The following RMDN1 variants were observed in gnomAD, a reference collection of about 807,000 sequenced individuals.
RMDN1 encodes the protein regulator of microtubule dynamics 1, also known as regulator of microtubule dynamics protein 1.
In RMDN1, 48 loss-of-function variants were observed where a neutral mutation model predicts 48.9. The observed-to-expected ratio is 0.98, with a 90% confidence interval of 0.78 to 1.25. The LOEUF is 1.25. RMDN1 is among the 50% of genes most tolerant of loss of function. The probability of loss-of-function intolerance (pLI) is 0.00; values close to 1 mark genes in which losing one functional copy is unlikely to be tolerated. For synonymous variants in RMDN1, 148 were observed against 132.6 expected, an observed-to-expected ratio of 1.12 and a Z score of -0.80; for missense variants, 418 against 373.4, an observed-to-expected ratio of 1.12 and a Z score of -0.98.
At chr8:86,508,137 G>A (rs1819686460) in intron 1 of RMDN1, 1 of 227,216 alleles carries the variant, frequency 4.4e-6, no homozygotes, top group African/African-American at 2.3e-5. Context: ...AAGTCTGAAA[G>A]GGGCAGCCTC....
chr8:86,512,918 A>G (rs753761335), upstream of RMDN1, among the ~76,000 whole-genome samples: 47 of 152,114 alleles, frequency 3.1e-4, no homozygotes, highest in Non-Finnish European at 6.8e-4. Context: ...TTAAAAATAA[A>G]TAAAATAAAA....
intron 2 of RMDN1, chr8:86,503,656 C>T (rs1010913949): frequency 2.0e-6 from 1 of 497,344 alleles, no homozygotes; most frequent in Non-Finnish European, 4.1e-6. Context: ...TTGGCTACAA[C>T]ACGGGAGTCA....
chr8:86,510,894 G>C (rs891585799), upstream of RMDN1, among the ~76,000 whole-genome samples: 6 of 152,114 alleles, frequency 3.9e-5, no homozygotes, highest in Non-Finnish European at 8.8e-5. Flanking sequence ...AGGCCAAATC[G>C]GGAGAACAGC....
chr8:86,494,356 GA>G (rs1219682706), intron 2 of RMDN1, among the ~76,000 whole-genome samples: 3 of 152,048 alleles, frequency 2.0e-5, no homozygotes, highest in African/African-American at 7.3e-5. Flanking sequence ...AGGAATTCAA[GA>G]CCAGCCTGGC....
upstream of RMDN1, among the ~76,000 whole-genome samples, chr8:86,512,469 T>C (rs1458979300): frequency 6.6e-6 from 1 of 152,214 alleles, no homozygotes; most frequent in Non-Finnish European, 1.5e-5. Context: ...CCCCAGATAT[T>C]TGCATAACTG....
rs557215642 is a variant in RMDN1, at chr8:86,481,096, C to T, written c.586-764G>A. ...ACTCTTTTTGAAAAAATTAAGATTTCCTAGTTTATGCTTTTCTATAAACCC... is the reference window on the plus strand; with the variant it reads ...ACTCTTTTTGAAAAAATTAAGATTTTCTAGTTTATGCTTTTCTATAAACCC... On this transcript the variant is annotated intron_variant, in intron 5 of 9. Transcript: ENST00000406452. Among the ~76,000 whole-genome samples, 4 of 152,150 alleles carry T rather than the reference C, an allele frequency of 2.6e-5. No individual in the cohort carries two copies. The South Asian group carries it at 8.3e-4, about 32-fold the overall frequency.
chr8:86,500,837 A>G (rs2131174935), intron 2 of RMDN1, among the ~76,000 whole-genome samples: 1 of 152,342 alleles, frequency 6.6e-6, no homozygotes, highest in South Asian at 2.1e-4. Context: ...TGTGATACAT[A>G]CACACCATGG....
At chr8:86,507,818 A>G (rs1272305201) in intron 1 of RMDN1, among the ~76,000 whole-genome samples, 1 of 152,218 alleles carries the variant, frequency 6.6e-6, no homozygotes, top group African/African-American at 2.4e-5. Flanking sequence ...CATCAGTCCC[A>G]TAATAATTCT....
At position 86,473,819 on chromosome 8, in the gene RMDN1, T is replaced by G; in HGVS notation, c.*489A>C. ...TTTTAGTCATCTCCTTACTTAGTTC[T>G]TTACTTACACAGGTTAGCTCCAAGA... On this transcript the variant is annotated 3_prime_UTR_variant, in exon 10 of 10. Transcript: ENST00000406452. 1.0e-6 allele frequency: 1 copy of G among 984,976 alleles called. No individual in the cohort carries two copies. Among genetic ancestry groups the G allele is most frequent in the Non-Finnish European group, 1.2e-6 (1 of 829,480 alleles). 61.0% of individuals were successfully genotyped at this position (984,976 alleles called of 1,614,324 possible).
intron 2 of RMDN1, chr8:86,504,772 C>T (rs1279424251): frequency 2.9e-6 from 3 of 1,043,034 alleles, no homozygotes; most frequent in Admixed American, 3.4e-5. Context: ...GGCCCCCGCC[C>T]AGCTGCGACT....
At chr8:86,483,701 TA>T (rs1814960627) in intron 5 of RMDN1, among the ~76,000 whole-genome samples, 1 of 152,182 alleles carries the variant, frequency 6.6e-6, no homozygotes, top group Non-Finnish European at 1.5e-5. Context: ...GAATTGACAC[TA>T]AACCATAAAA....
At chr8:86,468,653 G>A (rs1328451714), downstream of RMDN1, 1 of 456,088 alleles carries the variant, frequency 2.2e-6, no homozygotes, top group Non-Finnish European at 4.4e-6. Context: ...TTTTCAGGGT[G>A]CTGGTCTCCC....
intron 2 of RMDN1, among the ~76,000 whole-genome samples, chr8:86,492,066 AT>A (rs1225241138): frequency 1.3e-5 from 2 of 152,224 alleles, no homozygotes; most frequent in Non-Finnish European, 2.9e-5. Context: ...AGTACAACAA[AT>A]AACTACATAC....
rs577489502 is a variant in RMDN1, at chr8:86,475,354, A to G, written c.761-401T>C. On this transcript the variant is annotated intron_variant, in intron 8 of 9. Transcript: ENST00000406452. ...GTGAAACATAACATACATTCAGTGT[A>G]CATCGGCTGAATAAGTGAATGAAAT... Among the ~76,000 whole-genome samples, 137 of 152,296 alleles carry G rather than the reference A, an allele frequency of 9.0e-4. 2 individuals are homozygous for G. In the South Asian group the frequency reaches 0.017, roughly 19 times the overall value.
chr8:86,478,709 C>A, intron 7 of RMDN1: 1 of 517,522 alleles, frequency 1.9e-6, no homozygotes, highest in South Asian at 2.6e-5. Flanking sequence ...TGACAGTATT[C>A]CAGAATTACC....
At chr8:86,482,558 T>C (rs1586635560) in intron 5 of RMDN1, 1 of 736,066 alleles carries the variant, frequency 1.4e-6, no homozygotes, top group East Asian at 2.6e-5. Context: ...TTCTTGCCTG[T>C]CAAATTCACT....
rs932671872 is a variant in RMDN1 at position 86,474,254 on chromosome 8, T to G, written c.*54A>C. ...ATAGTTCATATATTAAGTTTAGAATTAAAAGAAAAGGCAATGTTTATTAGC... is the reference window on the plus strand; with the variant it reads ...ATAGTTCATATATTAAGTTTAGAATGAAAAGAAAAGGCAATGTTTATTAGC... On this transcript the variant is annotated 3_prime_UTR_variant, in exon 10 of 10. Transcript: ENST00000406452. 1.4e-5 allele frequency: 23 copies of G among 1,607,348 alleles called. 1 individual carries two copies. The South Asian group carries it at 2.3e-4, about 16-fold the overall frequency.
intron 2 of RMDN1, among the ~76,000 whole-genome samples, chr8:86,503,034 A>C (rs1304396460): frequency 6.6e-6 from 1 of 152,152 alleles, no homozygotes; most frequent in African/African-American, 2.4e-5. Context: ...GACCACAGCA[A>C]TGTTAGCTCC....
chr8:86,486,623 C>A lies in RMDN1; in HGVS notation c.356G>T (p.Trp119Leu). ...YKESEDAELL[W>L]RLARASRDVA... Reference sequence around the variant, plus strand: ...ATCACGTGATGCCCGTGCCAAACGCCACAGTAACTCTGCATCTTCACTAAT... The same window carrying A: ...ATCACGTGATGCCCGTGCCAAACGCAACAGTAACTCTGCATCTTCACTAAT... Residue 119 changes from tryptophan (W) to leucine (L), a missense_variant, in exon 4 of 10, where the codon TGG becomes TTG. Trp to Leu is a moderately conservative substitution (Grantham distance 61). Coordinates refer to ENST00000406452, the MANE Select transcript of RMDN1 (RefSeq NM_016033.3). 6.3e-7 allele frequency: 1 copy of A among 1,591,280 alleles called. No homozygotes were observed. The highest frequency in any genetic ancestry group is 1.1e-5 in the South Asian group (1 of 87,352).
Sources: allele counts gnomAD v4.1 joint callset (sites outside exome capture counted in the v4.1 genomes callset), GRCh38; gene constraint gnomAD v4.1.1; transcripts MANE v1.5; gene names NCBI Gene and HGNC (gene_info 2026-07-23, HGNC 2026-07-21).